PPP1R9A: variants seen among roughly 807,000 people sequenced by gnomAD.
PPP1R9A encodes the protein neurabin-1.
Under a neutral mutation model 141.9 loss-of-function variants are expected in PPP1R9A, and 59 were observed. The observed-to-expected ratio is 0.42, with a 90% CI of 0.34 to 0.52. The LOEUF (loss-of-function observed/expected upper bound fraction) is 0.52, where lower values mean the gene tolerates loss of function less well. Ranked by LOEUF, PPP1R9A falls within the 20% of genes least tolerant of loss-of-function variation. The pLI, the probability that PPP1R9A is intolerant of heterozygous loss-of-function variation, is 0.10. For missense variants in PPP1R9A, 1,444 were observed against 1,611.9 expected (o/e 0.90, Z 1.78); for synonymous variants, 500 against 569.7 (o/e 0.88, Z 1.74).
chr7:95,210,216 T>C (rs1458616162), intron 7 of PPP1R9A, among the ~76,000 whole-genome samples: 6 of 152,166 alleles, frequency 3.9e-5, no homozygotes, highest in African/African-American at 1.4e-4. Context: ...GAATATATTT[T>C]ATGCTCACAA....
At chr7:95,288,439 A>G in intron 18 of PPP1R9A, 97 bp from the exon 19 acceptor site, 1 of 1,486,910 alleles carries the variant, frequency 6.7e-7, no homozygotes, top group Non-Finnish European at 8.9e-7. Flanking sequence ...TTAAACATAA[A>G]TGTGGCTCTC....
chr7:95,028,706 T>G (rs1429609764), intron 2 of PPP1R9A, among the ~76,000 whole-genome samples: 1 of 152,204 alleles, frequency 6.6e-6, no homozygotes, highest in Non-Finnish European at 1.5e-5. Flanking sequence ...TTTTACTCTA[T>G]TATGCTTGTT....
chr7:95,220,814 T>G (rs1365419535), intron 7 of PPP1R9A, among the ~76,000 whole-genome samples: 1 of 152,056 alleles, frequency 6.6e-6, no homozygotes, highest in African/African-American at 2.4e-5. Context: ...TAGGAGAGTC[T>G]TAAGGGCAGC....
chr7:94,971,806 CAAAT>C (rs1798886225), intron 2 of PPP1R9A, among the ~76,000 whole-genome samples: 1 of 152,192 alleles, frequency 6.6e-6, no homozygotes, highest in African/African-American at 2.4e-5. Context: ...ATTCAGAAGA[CAAAT>C]ACATTGAACT....
intron 2 of PPP1R9A, among the ~76,000 whole-genome samples, chr7:95,089,038 G>C (rs952294298): frequency 1.3e-5 from 2 of 152,010 alleles, no homozygotes; most frequent in African/African-American, 4.8e-5. Flanking sequence ...ACAAGTGGAA[G>C]AGCAGATCTT....
intron 5 of PPP1R9A, among the ~76,000 whole-genome samples, chr7:95,164,368 G>A (rs1238103965): frequency 6.6e-6 from 1 of 151,960 alleles, no homozygotes; most frequent in Non-Finnish European, 1.5e-5. Flanking sequence ...AATATGATTT[G>A]TAATCCTTTA....
rs184432298 is a variant in PPP1R9A at position 95,096,825 on chromosome 7, C to A, written c.1396-14434C>A. Reference sequence around the variant, plus strand: ...ACTCTTCTTCTCAGAATGCCTTCCACACATACTACCCCCAACCCGCCTTAT... The same window carrying A: ...ACTCTTCTTCTCAGAATGCCTTCCAAACATACTACCCCCAACCCGCCTTAT... On this transcript the variant is annotated intron_variant, in intron 2 of 19. Coordinates refer to ENST00000433360, the MANE Select transcript of PPP1R9A (RefSeq NM_001166160.2). 1.6e-4 allele frequency among the ~76,000 whole-genome samples: 24 copies of A among 152,280 alleles called. No individual in the cohort carries two copies. In the East Asian group the frequency reaches 4.6e-3, roughly 29 times the overall value.
At chr7:95,100,529 CCTT>C (rs1456170772) in intron 2 of PPP1R9A, among the ~76,000 whole-genome samples, 1 of 152,170 alleles carries the variant, frequency 6.6e-6, no homozygotes, top group Non-Finnish European at 1.5e-5. Context: ...TTTGCTCACG[CCTT>C]CTTTTGTCCT....
At chr7:94,961,084 T>C (rs926319035) in intron 2 of PPP1R9A, among the ~76,000 whole-genome samples, 1 of 151,584 alleles carries the variant, frequency 6.6e-6, no homozygotes, top group Non-Finnish European at 1.5e-5. Context: ...AGTAGTGATA[T>C]GATGTATTTA....
chr7:95,058,685 T>G (rs921274454), intron 2 of PPP1R9A, among the ~76,000 whole-genome samples: 10 of 151,860 alleles, frequency 6.6e-5, no homozygotes, highest in African/African-American at 2.4e-4. Flanking sequence ...TACAAGAAAA[T>G]TGGCTTTAGC....
intron 4 of PPP1R9A, among the ~76,000 whole-genome samples, chr7:95,149,147 A>G (rs1828188876): frequency 1.3e-5 from 2 of 152,164 alleles, no homozygotes; most frequent in South Asian, 4.1e-4. Flanking sequence ...GAAGAAAAAT[A>G]ACATGATTAT....
intron 4 of PPP1R9A, among the ~76,000 whole-genome samples, chr7:95,143,681 G>C (rs1437255807): frequency 1.3e-5 from 2 of 152,090 alleles, no homozygotes; most frequent in African/African-American, 4.8e-5. Flanking sequence ...AAGGAATCTT[G>C]GCTTAGTAGG....
intron 2 of PPP1R9A, among the ~76,000 whole-genome samples, chr7:94,997,363 A>C (rs775319058): frequency 6.6e-6 from 1 of 152,038 alleles, no homozygotes; most frequent in Non-Finnish European, 1.5e-5. Flanking sequence ...TGACTATTAT[A>C]CTATTGTCTA....
At chr7:95,155,396 G>T (rs1829445059) in intron 4 of PPP1R9A, 1 of 152,236 alleles carries the variant, frequency 6.6e-6, no homozygotes. Flanking sequence ...TCGCTATGTT[G>T]CCTATGCTGA....
chr7:95,213,972 G>A (rs1048682628), intron 7 of PPP1R9A, among the ~76,000 whole-genome samples: 25 of 152,078 alleles, frequency 1.6e-4, no homozygotes, highest in African/African-American at 4.6e-4. Context: ...TAATAAGCAC[G>A]CTCCCTTCCA....
intron 13 of PPP1R9A, 50 bp from the exon 14 acceptor site, chr7:95,269,157 G>A (rs1424273460): frequency 2.1e-6 from 3 of 1,459,322 alleles, no homozygotes; most frequent in Non-Finnish European, 1.9e-6. Flanking sequence ...GTATTGCATA[G>A]AACTGATACT....
At chr7:95,079,807 T>G (rs1231777873) in intron 2 of PPP1R9A, among the ~76,000 whole-genome samples, 4 of 152,174 alleles carry the variant, frequency 2.6e-5, no homozygotes, top group Non-Finnish European at 5.9e-5. Flanking sequence ...ATAAATGTAA[T>G]CCGGCATATA....
At chr7:95,020,627 C>G (rs1805811174) in intron 2 of PPP1R9A, among the ~76,000 whole-genome samples, 1 of 152,064 alleles carries the variant, frequency 6.6e-6, no homozygotes, top group Admixed American at 6.6e-5. Context: ...CAGCCCCCAT[C>G]CTGTCCCCCA....
intron 2 of PPP1R9A, among the ~76,000 whole-genome samples, chr7:94,932,716 C>T (rs1343971516): frequency 6.6e-6 from 1 of 151,480 alleles, no homozygotes; most frequent in Admixed American, 6.6e-5. Context: ...TCATATGCCT[C>T]TCTTCATTTA....
Sources: allele counts gnomAD v4.1 joint callset (sites outside exome capture counted in the v4.1 genomes callset), GRCh38; gene constraint gnomAD v4.1.1; transcripts MANE v1.5; gene names NCBI Gene and HGNC (gene_info 2026-07-23, HGNC 2026-07-21).